Variants in CLUAP1 observed in about 807,000 individuals in gnomAD.
CLUAP1 encodes intraflagellar transport 38, also known as clusterin-associated protein 1.
CLUAP1 carries 50 observed loss-of-function variants against 55.0 expected under a neutral mutation model. The observed-to-expected ratio is 0.91, with a 90% CI of 0.72 to 1.15. CLUAP1 has a LOEUF of 1.15. CLUAP1 is among the 50% of genes most tolerant of loss of function. The pLI is 0.00. For synonymous variants in CLUAP1, 195 were observed against 175.4 expected (o/e 1.11, Z -0.88); for missense variants, 530 against 507.6 (o/e 1.04, Z -0.42).
intron 3 of CLUAP1, among the ~76,000 whole-genome samples, chr16:3,507,401 T>A (rs2037528194): frequency 6.7e-6 from 1 of 150,206 alleles, no homozygotes; most frequent in Non-Finnish European, 1.5e-5. Context: ...AAAAATAAAT[T>A]TAAAAAAAAT....
rs2038250723 is a variant in CLUAP1 at position 3,537,229 on chromosome 16, T to A, written c.*958T>A. ...GGGGAAGGAGCCAATTAAGAAAAAG[T>A]GTTGGTACAGATTCATGTTTCTGAT... On this transcript the variant is annotated 3_prime_UTR_variant, in exon 12 of 12. Coordinates refer to ENST00000576634, the MANE Select transcript of CLUAP1 (RefSeq NM_015041.3). 1 of 152,180 alleles carries A rather than the reference T, an allele frequency of 6.6e-6. No individual in the cohort carries two copies. Among genetic ancestry groups the A allele is most frequent in the East Asian group, 1.9e-4 (1 of 5,200 alleles). The allele number at this position is 152,180 out of a possible 1,614,324, so 9.4% of individuals were successfully genotyped here.
chr16:3,497,841 G>T (rs868529226), upstream of CLUAP1, among the ~76,000 whole-genome samples: 2 of 151,828 alleles, frequency 1.3e-5, no homozygotes, highest in African/African-American at 4.8e-5. Flanking sequence ...AATTTTTGCT[G>T]ATGGAGATCT....
intron 2 of CLUAP1, 151 bp downstream of exon 2, chr16:3,504,982 C>A (rs1299400405): frequency 1.6e-6 from 1 of 634,116 alleles, no homozygotes. Context: ...GGAGTTGTGG[C>A]TGGGCACAGT....
At chr16:3,530,774 C>T (rs966703713) in intron 10 of CLUAP1, 99 bp downstream of exon 10, 28 of 846,708 alleles carry the variant, frequency 3.3e-5, no homozygotes, top group African/African-American at 3.1e-4. Context: ...GGCCCACAAG[C>T]GTGCTGCGAA....
chr16:3,498,726 G>T (rs968576762), upstream of CLUAP1, among the ~76,000 whole-genome samples: 7 of 152,126 alleles, frequency 4.6e-5, no homozygotes, highest in African/African-American at 1.4e-4. Flanking sequence ...CGGGTGTGGT[G>T]GTGGGCGCCT....
At chr16:3,517,188 A>T (rs992210614) in intron 6 of CLUAP1, among the ~76,000 whole-genome samples, 4 of 151,390 alleles carry the variant, frequency 2.6e-5, no homozygotes, top group African/African-American at 9.7e-5. Context: ...ACAGTGGCAC[A>T]ACCTCGGCTC....
At chr16:3,531,972 G>A (rs920074185) in intron 10 of CLUAP1, among the ~76,000 whole-genome samples, 1 of 152,024 alleles carries the variant, frequency 6.6e-6, no homozygotes, top group East Asian at 1.9e-4. Context: ...CCAAGTAGCT[G>A]GGGTTACAGG....
intron 11 of CLUAP1, 107 bp downstream of exon 11, chr16:3,532,948 A>G (rs1378127556): frequency 1.4e-6 from 2 of 1,447,384 alleles, no homozygotes; most frequent in Non-Finnish European, 1.9e-6. Context: ...GTCTATGGTC[A>G]GCCCGGCCGT....
At chr16:3,530,024 T>C (rs906343790) in intron 9 of CLUAP1, among the ~76,000 whole-genome samples, 4 of 147,630 alleles carry the variant, frequency 2.7e-5, no homozygotes, top group African/African-American at 7.6e-5. Context: ...TGAAATTTAA[T>C]GAGCCACAGT....
chr16:3,500,614 G>C (rs1381912232), upstream of CLUAP1, among the ~76,000 whole-genome samples: 1 of 152,082 alleles, frequency 6.6e-6, no homozygotes, highest in Non-Finnish European at 1.5e-5. Context: ...CAAGTGATCC[G>C]CCCGCCTCGG....
chr16:3,506,458 C>T, intron 3 of CLUAP1, 43 bp downstream of exon 3: 1 of 1,454,888 alleles, frequency 6.9e-7, no homozygotes, highest in South Asian at 1.1e-5. Flanking sequence ...ATTAAATAAA[C>T]TAGAAAGGAT....
At chr16:3,532,375 C>A (rs183060679) in intron 10 of CLUAP1, among the ~76,000 whole-genome samples, 223 of 147,226 alleles carry the variant, frequency 1.5e-3, no homozygotes, top group African/African-American at 5.2e-3. Context: ...TTCTTATCTA[C>A]CACCTGTTAA....
chr16:3,497,346 G>C (rs899686891), upstream of CLUAP1, among the ~76,000 whole-genome samples: 10 of 152,048 alleles, frequency 6.6e-5, no homozygotes, highest in Admixed American at 6.6e-5. Context: ...GAATAAAATA[G>C]GAATACATTT....
At chr16:3,521,925 G>A (rs1023927397) in intron 7 of CLUAP1, among the ~76,000 whole-genome samples, 2 of 151,894 alleles carry the variant, frequency 1.3e-5, no homozygotes, top group African/African-American at 4.8e-5. Context: ...TGGGCATAGT[G>A]GCACATGTCT....
chr16:3,516,690 G>A (rs570538269), intron 6 of CLUAP1, among the ~76,000 whole-genome samples: 2 of 152,260 alleles, frequency 1.3e-5, no homozygotes, highest in South Asian at 2.1e-4. Context: ...AAGGAATTAC[G>A]TATATATGTA....
intron 8 of CLUAP1, among the ~76,000 whole-genome samples, chr16:3,524,624 A>G (rs2037906931): frequency 6.6e-6 from 1 of 151,478 alleles, no homozygotes; most frequent in African/African-American, 2.4e-5. Flanking sequence ...AAAAAAAAGA[A>G]AGAGATTTTC....
chr16:3,508,452 T>G lies in CLUAP1; in HGVS notation c.383T>G (p.Phe128Cys). Residue 128 changes from phenylalanine to cysteine, a missense_variant, in exon 4 of 12, where the codon TTT (phenylalanine) becomes TGT (cysteine). Phe to Cys is a radical substitution (Grantham distance 205). Coordinates refer to ENST00000576634, the MANE Select transcript of CLUAP1 (RefSeq NM_015041.3). ...GAGGAAGATGTCAACAAGTTCAAGT[T>G]TGATCTTGGCTCAAAGGTAAGGACA... ...IVEEDVNKFK[F>C]DLGSKIADLK... is the part of the protein sequence containing the mutation. The G allele has an allele frequency of 6.3e-7, 1 of 1,576,844 alleles. No homozygotes were observed. The highest frequency in any genetic ancestry group is 8.5e-7 in the Non-Finnish European group (1 of 1,169,810).
intron 9 of CLUAP1, among the ~76,000 whole-genome samples, chr16:3,528,140 C>G (rs2037983577): frequency 6.6e-6 from 1 of 152,208 alleles, no homozygotes; most frequent in Non-Finnish European, 1.5e-5. Context: ...AAGTCACTGT[C>G]AGGGACCGGT....
At position 3,509,435 on chromosome 16, in the gene CLUAP1, C is replaced by T. The variant is rs142633099; in HGVS notation, c.399+967C>T. Among the ~76,000 whole-genome samples, 3 of 152,322 alleles carry T rather than the reference C, an allele frequency of 2.0e-5. No homozygotes were observed. In the East Asian group the frequency reaches 5.8e-4, roughly 29 times the overall value. On this transcript the variant is annotated intron_variant, in intron 4 of 11. Coordinates refer to ENST00000576634, the MANE Select transcript of CLUAP1 (RefSeq NM_015041.3). The stretch of plus-strand genomic sequence containing the variant: ...TGCTTATTTCCCGTCCAAAGGGTTG[C>T]TCTGGCTGCTGAGCCGCCATCAGAC...
Sources: allele counts gnomAD v4.1 joint callset (sites outside exome capture counted in the v4.1 genomes callset), GRCh38; gene constraint gnomAD v4.1.1; transcripts MANE v1.5; gene names NCBI Gene and HGNC (gene_info 2026-07-23, HGNC 2026-07-21).